Variants in C4orf51 observed in about 807,000 individuals in gnomAD.
The protein encoded by C4orf51 is chromosome 4 open reading frame 51.
A neutral mutation model predicts 25.2 loss-of-function variants in C4orf51; 25 were observed. The observed-to-expected ratio is 0.99, with a 90% CI of 0.72 to 1.39. C4orf51 has a LOEUF of 1.39. Among genes scored for constraint, C4orf51 ranks in the 40% most tolerant of loss-of-function variants. C4orf51 has a pLI of 0.00. For synonymous variants in C4orf51, 100 were observed against 84.5 expected (o/e 1.18, Z -1.01); for missense variants, 252 against 239.6 (o/e 1.05, Z -0.34).
At chr4:145,752,419 C>G (rs1396669694) in intron 1 of C4orf51, among the ~76,000 whole-genome samples, 1 of 152,178 alleles carries the variant, frequency 6.6e-6, no homozygotes, top group East Asian at 1.9e-4. Context: ...TTCTTTCTGG[C>G]CCAGGATGTG....
chr4:145,766,200 T>C (rs1051862675), intron 1 of C4orf51, among the ~76,000 whole-genome samples: 4 of 152,148 alleles, frequency 2.6e-5, no homozygotes, highest in Non-Finnish European at 5.9e-5. Context: ...TGAGTTCGTC[T>C]GACTCCAGGG....
At chr4:145,694,112 C>T (rs1578934680) in intron 1 of C4orf51, among the ~76,000 whole-genome samples, 3 of 134,112 alleles carry the variant, frequency 2.2e-5, no homozygotes, top group East Asian at 2.3e-4. Context: ...GATGGGGCGG[C>T]GGGGCAGAGG....
At chr4:145,686,197 T>C (rs2126657251) in intron 1 of C4orf51, among the ~76,000 whole-genome samples, 1 of 152,240 alleles carries the variant, frequency 6.6e-6, no homozygotes, top group East Asian at 1.9e-4. Flanking sequence ...GTACCTAGGC[T>C]AGGCAAATCA....
chr4:145,689,813 T>C (rs1249490807), intron 1 of C4orf51, among the ~76,000 whole-genome samples: 1 of 152,156 alleles, frequency 6.6e-6, no homozygotes, highest in Admixed American at 6.5e-5. Flanking sequence ...TGGCTAACCA[T>C]ATGCAGAAGA....
At chr4:145,770,670 C>T (rs562957637) in intron 1 of C4orf51, among the ~76,000 whole-genome samples, 1 of 152,064 alleles carries the variant, frequency 6.6e-6, no homozygotes, top group South Asian at 2.1e-4. Flanking sequence ...AGTTGGCTCT[C>T]AAAAAATTCT....
Position 145,765,337 on chromosome 4 carries a change from A to T in C4orf51, n.167-5651A>T, listed in dbSNP as rs773505637. 6.6e-6 allele frequency among the ~76,000 whole-genome samples: 1 copy of T among 152,170 alleles called. No individual in the cohort carries two copies. Among genetic ancestry groups the T allele is most frequent in the Non-Finnish European group, 1.5e-5 (1 of 68,022 alleles). On this transcript the variant is annotated intron_variant and non_coding_transcript_variant, in intron 1 of 1. Coordinates refer to the C4orf51 transcript ENST00000510096. The surrounding 1 kb of genome is among the most constrained non-coding windows in gnomAD (Gnocchi z 4.7). ...GCTAAAAGGAGTTAAATGTACAAAC[A>T]TCGGAATCAATGTCACCCTCCCCAT...
At chr4:145,703,177 C>T (rs1363818839) in intron 2 of C4orf51, among the ~76,000 whole-genome samples, 3 of 151,332 alleles carry the variant, frequency 2.0e-5, no homozygotes, top group African/African-American at 7.3e-5. Context: ...CCCACCTTAA[C>T]TGATGACATT....
Position 145,762,444 on chromosome 4 carries a change from G to A in C4orf51, n.167-8544G>A, listed in dbSNP as rs191929697. ...CTGGATTGGAAATTCTCAGAGGGCA[G>A]GACCATATCTTACATTTCCTCTGCA... On this transcript the variant is annotated intron_variant and non_coding_transcript_variant, in intron 1 of 1. Coordinates refer to the C4orf51 transcript ENST00000510096. The surrounding 1 kb of genome is among the most constrained non-coding windows in gnomAD (Gnocchi z 4.9). Among the ~76,000 whole-genome samples, 1 of 152,286 alleles carries A rather than the reference G, an allele frequency of 6.6e-6. No homozygotes were observed. The highest frequency in any genetic ancestry group is 6.5e-5 in the Admixed American group (1 of 15,304).
chr4:145,755,257 T>C (rs953929404), downstream of C4orf51, among the ~76,000 whole-genome samples: 1 of 152,176 alleles, frequency 6.6e-6, no homozygotes, highest in Non-Finnish European at 1.5e-5. Context: ...ACAGCCCTAG[T>C]TTGTGTCTGA....
At chr4:145,683,273 G>C (rs1728943746) in intron 1 of C4orf51, among the ~76,000 whole-genome samples, 1 of 152,112 alleles carries the variant, frequency 6.6e-6, no homozygotes. Context: ...CAAATGGAGA[G>C]ATTTTTCCAT....
chr4:145,714,264 C>T (rs533856546), intron 2 of C4orf51, among the ~76,000 whole-genome samples: 15 of 152,234 alleles, frequency 9.9e-5, no homozygotes, highest in Middle Eastern at 6.8e-3. Flanking sequence ...GTAAACAATA[C>T]GATGCTATAG....
downstream of C4orf51, among the ~76,000 whole-genome samples, chr4:145,754,848 AT>A (rs1733856328): frequency 6.6e-6 from 1 of 152,318 alleles, no homozygotes; most frequent in South Asian, 2.1e-4. Context: ...AGGCAGGAGA[AT>A]TGCTTGAACC....
At chr4:145,700,015 C>A (rs1399542486) in intron 2 of C4orf51, among the ~76,000 whole-genome samples, 1 of 152,152 alleles carries the variant, frequency 6.6e-6, no homozygotes, top group Non-Finnish European at 1.5e-5. Flanking sequence ...CCCCCAATCC[C>A]TTATTTCTGC....
chr4:145,768,443 G>T (rs1296810099), intron 1 of C4orf51, among the ~76,000 whole-genome samples: 4 of 152,142 alleles, frequency 2.6e-5, no homozygotes, highest in African/African-American at 9.7e-5. Flanking sequence ...GGGATTACAA[G>T]CATGAGCCAC....
the C4orf51 span, among the ~76,000 whole-genome samples, chr4:145,782,156 C>T: frequency 4.6e-5 from 7 of 152,346 alleles, no homozygotes; most frequent in African/African-American, 1.7e-4. Context: ...CTCTCCCCAC[C>T]TCATGTTTGC....
chr4:145,767,535 A>G (rs1321287296), intron 1 of C4orf51, among the ~76,000 whole-genome samples: 1 of 152,184 alleles, frequency 6.6e-6, no homozygotes, highest in African/African-American at 2.4e-5. Flanking sequence ...CAAGCATAAG[A>G]AACACGAAGA....
intron 3 of C4orf51, 92 bp from the exon 4 acceptor site, chr4:145,729,077 G>T: frequency 1.1e-6 from 1 of 885,432 alleles, no homozygotes. Flanking sequence ...GAATGCAGGG[G>T]TGGGGAGGAA....
chr4:145,775,363 A>T (rs1736895728), downstream of C4orf51, among the ~76,000 whole-genome samples: 1 of 152,220 alleles, frequency 6.6e-6, no homozygotes, highest in African/African-American at 2.4e-5. Context: ...TGATACAACC[A>T]TGGGGAAATA....
rs937058395 is a variant in C4orf51 at position 145,760,871 on chromosome 4, G to A, written n.167-10117G>A. 4.1e-6 allele frequency: 5 copies of A among 1,224,998 alleles called. No homozygotes were observed. In the African/African-American group the frequency reaches 7.9e-5, roughly 19 times the overall value. 75.9% of individuals were successfully genotyped at this position (1,224,998 alleles called of 1,614,324 possible). A position where few individuals can be genotyped will look rare whatever the true frequency, so the allele number is the denominator to read the frequency against. On this transcript the variant is annotated intron_variant and non_coding_transcript_variant, in intron 1 of 1. Coordinates refer to the C4orf51 transcript ENST00000510096. Reference sequence around the variant, plus strand: ...CTGGGAGGCGCAGTCTGAGGTCGGGGAGGGTGGAATGTGAGATCCAAGTGG... The same window carrying A: ...CTGGGAGGCGCAGTCTGAGGTCGGGAAGGGTGGAATGTGAGATCCAAGTGG...
Sources: gnomAD v4.1 joint callset for allele counts (sites outside exome capture counted in the v4.1 genomes callset) on GRCh38, gnomAD v4.1.1 for gene constraint, Gnocchi (gnomAD v3.1) non-coding constraint, MANE v1.5 for transcripts, NCBI Gene and HGNC (gene_info 2026-07-23, HGNC 2026-07-21) for gene names.